UBE2U: variants seen among roughly 807,000 people sequenced by gnomAD.
UBE2U encodes ubiquitin-conjugating enzyme E2 U.
In UBE2U, 39 loss-of-function variants were observed where a neutral mutation model predicts 41.2. The observed-to-expected ratio is 0.95, with a 90% CI of 0.73 to 1.24. The LOEUF is 1.24. Ranked by LOEUF, UBE2U falls within the 50% of genes most tolerant of loss-of-function variation. The pLI, the probability that UBE2U is intolerant of heterozygous loss-of-function variation, is 0.00. For synonymous variants in UBE2U, 107 were observed against 117.8 expected (o/e 0.91, Z 0.60); for missense variants, 336 against 363.1 (o/e 0.93, Z 0.61).
chr1:64,213,498 C>G (rs1280027147), intron 4 of UBE2U, among the ~76,000 whole-genome samples: 1 of 152,066 alleles, frequency 6.6e-6, no homozygotes, highest in Non-Finnish European at 1.5e-5. Context: ...CCAACAGTAC[C>G]CTGAGCAGAT....
intron 9 of UBE2U, among the ~76,000 whole-genome samples, chr1:64,262,551 T>C (rs1457059635): frequency 1.3e-5 from 2 of 152,168 alleles, no homozygotes; most frequent in African/African-American, 4.8e-5. Context: ...TGGCTGGGTA[T>C]ATGTGGGAGG....
chr1:64,258,623 C>CA (rs1645134459), intron 8 of UBE2U, among the ~76,000 whole-genome samples: 1 of 152,180 alleles, frequency 6.6e-6, no homozygotes, highest in Non-Finnish European at 1.5e-5. Flanking sequence ...TTTCCAGCTT[C>CA]ATCCATGTCC....
At chr1:64,238,141 A>G (rs754358568) in intron 7 of UBE2U, among the ~76,000 whole-genome samples, 1 of 152,216 alleles carries the variant, frequency 6.6e-6, no homozygotes, top group Non-Finnish European at 1.5e-5. Context: ...CAGCGGGCTT[A>G]CACTTGTAAT....
chr1:64,242,821 G>GT (rs1255130842), intron 8 of UBE2U, among the ~76,000 whole-genome samples: 1 of 152,150 alleles, frequency 6.6e-6, no homozygotes, highest in South Asian at 2.1e-4. Flanking sequence ...GTATAAGCAT[G>GT]TTTTTTTCCT....
intron 3 of UBE2U, 89 bp from the exon 4 acceptor site, chr1:64,210,653 T>A (rs1326131747): frequency 8.2e-6 from 7 of 851,548 alleles, no homozygotes; most frequent in Non-Finnish European, 1.2e-5. Flanking sequence ...TAAATGCAGA[T>A]AATTTTTCTG....
chr1:64,214,870 T>C lies in UBE2U; in HGVS notation c.395T>C (p.Ile132Thr), dbSNP rs778085435. ...CCAGTGAATTTGGAAGCAGCCAGAATACTGGTTAAAGATGAATCTCTGTAC... is the reference window on the plus strand; with the variant it reads ...CCAGTGAATTTGGAAGCAGCCAGAACACTGGTTAAAGATGAATCTCTGTAC... ...ENPVNLEAAR[I>T]LVKDESLYRT... Residue 132 changes from isoleucine to threonine, a missense_variant, in exon 5 of 10, where the codon ATA becomes ACA. By Grantham distance (89) the Ile-to-Thr change is moderately conservative (BLOSUM62 -1). Transcript: ENST00000371077. The C allele has an allele frequency of 6.2e-7, 1 of 1,614,204 alleles. No individual in the cohort carries two copies. Among genetic ancestry groups the C allele is most frequent in the Non-Finnish European group, 8.5e-7 (1 of 1,180,006 alleles).
Position 64,214,832 on chromosome 1 carries a change from A to C in UBE2U, c.357A>C (p.Pro119=). The stretch of plus-strand genomic sequence containing the variant: ...TCCTATAGGTTATGCTTTCTAATCC[A>C]GTGCTAGAGAATCCAGTGAATTTGG... ...LLALQVMLSN[P]VLENPVNLEA... Residue 119 remains proline (P), a synonymous_variant, in exon 5 of 10, where the codon CCA becomes CCC. Coordinates refer to ENST00000371077, the MANE Select transcript of UBE2U (RefSeq NM_001366232.2). 6.2e-7 allele frequency: 1 copy of C among 1,614,034 alleles called. No individual in the cohort carries two copies. The highest frequency in any genetic ancestry group is 8.5e-7 in the Non-Finnish European group (1 of 1,179,892).
At chr1:64,225,526 A>G in intron 6 of UBE2U, among the ~76,000 whole-genome samples, 1 of 152,244 alleles carries the variant, frequency 6.6e-6, no homozygotes, top group East Asian at 1.9e-4. Flanking sequence ...TTAACTTTTA[A>G]AAGGAGTACT....
chr1:64,244,459 C>G (rs1644888439), intron 8 of UBE2U: 1 of 184,936 alleles, frequency 5.4e-6, no homozygotes, highest in South Asian at 1.8e-4. Flanking sequence ...TGCCACCCTA[C>G]TTTTCAGAGA....
intron 6 of UBE2U, among the ~76,000 whole-genome samples, chr1:64,232,352 G>T (rs1644583205): frequency 6.6e-6 from 1 of 152,012 alleles, no homozygotes; most frequent in Non-Finnish European, 1.5e-5. Flanking sequence ...ATTGAAATAT[G>T]ATTTGAACAT....
intron 8 of UBE2U, among the ~76,000 whole-genome samples, chr1:64,256,853 G>T (rs1357085866): frequency 6.6e-6 from 1 of 151,548 alleles, no homozygotes; most frequent in Non-Finnish European, 1.5e-5. Flanking sequence ...GAAAAATTTT[G>T]CCATCTATCC....
intron 3 of UBE2U, among the ~76,000 whole-genome samples, chr1:64,209,102 C>T (rs1651499326): frequency 6.6e-6 from 1 of 152,080 alleles, no homozygotes; most frequent in Admixed American, 6.5e-5. Flanking sequence ...TTCCCAAGTA[C>T]ATTATTTTAT....
At chr1:64,220,529 T>A (rs538841910) in intron 5 of UBE2U, among the ~76,000 whole-genome samples, 3 of 152,306 alleles carry the variant, frequency 2.0e-5, no homozygotes, top group Admixed American at 2.0e-4. Flanking sequence ...GCTCTCCCTC[T>A]TACCCCTCCT....
intron 7 of UBE2U, among the ~76,000 whole-genome samples, chr1:64,236,372 A>G (rs1403247337): frequency 6.6e-6 from 1 of 152,160 alleles, no homozygotes; most frequent in Admixed American, 6.6e-5. Flanking sequence ...CTCTGTATGT[A>G]TGAGATTTAA....
intron 8 of UBE2U, among the ~76,000 whole-genome samples, chr1:64,252,893 A>G (rs542205520): frequency 5.9e-5 from 9 of 152,344 alleles, no homozygotes; most frequent in Non-Finnish European, 1.0e-4. Flanking sequence ...GCAAGGGTAC[A>G]GAACTGGGCT....
At chr1:64,247,720 C>T (rs1644944184) in intron 8 of UBE2U, among the ~76,000 whole-genome samples, 1 of 152,072 alleles carries the variant, frequency 6.6e-6, no homozygotes. Context: ...AAAACTTAGC[C>T]AGGCATAATG....
intron 6 of UBE2U, among the ~76,000 whole-genome samples, chr1:64,222,529 C>A (rs1652562694): frequency 6.6e-6 from 1 of 152,176 alleles, no homozygotes; most frequent in Non-Finnish European, 1.5e-5. Flanking sequence ...CCAGCCTGAA[C>A]TTCCTAGAGA....
rs889900928 is a variant in UBE2U, at chr1:64,229,819, T to A, written c.507-2742T>A. Among the ~76,000 whole-genome samples the A allele has an allele frequency of 3.3e-5, 5 of 152,192 alleles. 1 individual carries two copies. The East Asian group carries it at 7.7e-4, about 23-fold the overall frequency. On this transcript the variant is annotated intron_variant, in intron 6 of 9. Transcript: ENST00000371077. ...CTTTCTTTTCAAAATACTTACTAAC[T>A]TTTTTGGAGGTGGTTTTCTCTAGTA...
intron 7 of UBE2U, among the ~76,000 whole-genome samples, chr1:64,238,766 GCACAGTGGTT>G (rs1429168870): frequency 2.0e-5 from 3 of 151,958 alleles, no homozygotes; most frequent in African/African-American, 7.3e-5. Context: ...GCCAGGCTGG[GCACAGTGGTT>G]CACATCTGTA....
Sources: gnomAD v4.1 joint callset for allele counts (sites outside exome capture counted in the v4.1 genomes callset) on GRCh38, gnomAD v4.1.1 for gene constraint, MANE v1.5 for transcripts, NCBI Gene and HGNC (gene_info 2026-07-23, HGNC 2026-07-21) for gene names.